FAM83B: variants seen among roughly 807,000 people sequenced by gnomAD.
The protein encoded by FAM83B is scaffolding CK1 anchoring protein B, also known as protein FAM83B.
In FAM83B, 26 loss-of-function variants were observed where a neutral mutation model predicts 38.8. The observed-to-expected ratio is 0.67, with a 90% CI of 0.49 to 0.93. The LOEUF (loss-of-function observed/expected upper bound fraction) is 0.93. Among genes scored for constraint, FAM83B ranks in the 40% least tolerant of loss-of-function variants. The probability of loss-of-function intolerance (pLI) is 0.00; values close to 1 mark genes in which losing one functional copy is unlikely to be tolerated. For synonymous variants in FAM83B, 419 were observed against 423.1 expected, an observed-to-expected ratio of 0.99 and a Z score of 0.12; for missense variants, 1,237 against 1,197.3, an observed-to-expected ratio of 1.03 and a Z score of -0.49.
At chr6:54,885,690 C>T (rs9370337) in intron 2 of FAM83B, among the ~76,000 whole-genome samples, 67,221 of 151,716 alleles carry the variant, frequency 0.44, 15,712 homozygotes, top group East Asian at 0.82. Flanking sequence ...TATACAAAAC[C>T]ATCATTCTCA....
chr6:54,847,412 T>C (rs762420494), intron 1 of FAM83B, among the ~76,000 whole-genome samples: 18 of 138,340 alleles, frequency 1.3e-4, no homozygotes, highest in Non-Finnish European at 6.3e-5. Flanking sequence ...CGTTTCTGAG[T>C]GCAGACTGGT....
In FAM83B at chr6:54,876,241, G is replaced by A. The variant is rs185018163; in HGVS notation, c.444+5551G>A. Among the ~76,000 whole-genome samples the A allele has an allele frequency of 3.7e-3, 526 of 140,558 alleles. 5 individuals are homozygous for A. The highest frequency in any genetic ancestry group is 5.1e-3 in the Admixed American group (72 of 14,132). The allele number at this position is 140,558 out of a possible 152,430, so 92.2% of individuals were successfully genotyped here. ...TAACCAATACCTCTATTAATAGTTGGAAAGAAATAATTTAAAATGCAAGTT... is the reference window on the plus strand; with the variant it reads ...TAACCAATACCTCTATTAATAGTTGAAAAGAAATAATTTAAAATGCAAGTT... On this transcript the variant is annotated intron_variant, in intron 2 of 4. Transcript: ENST00000306858.
At position 54,910,452 on chromosome 6, in the gene FAM83B, C is replaced by T. The variant is rs551753491; in HGVS notation, c.445-15919C>T. 1.7e-3 allele frequency among the ~76,000 whole-genome samples: 259 copies of T among 152,270 alleles called. 1 individual carries two copies. The Middle Eastern group carries it at 0.02, about 12-fold the overall frequency. ...CATGCTTCTCTGCCCTTTCGTTTTCCGAGGCTAATGCCATGGACTGCATTG... is the reference window on the plus strand; with the variant it reads ...CATGCTTCTCTGCCCTTTCGTTTTCTGAGGCTAATGCCATGGACTGCATTG... On this transcript the variant is annotated intron_variant, in intron 2 of 4. Coordinates refer to ENST00000306858, the MANE Select transcript of FAM83B (RefSeq NM_001010872.3).
chr6:54,876,278 CATATATATATATATATATATATATAT>C (rs3996949), intron 2 of FAM83B, among the ~76,000 whole-genome samples: 88 of 96,160 alleles, frequency 9.2e-4, no homozygotes, highest in African/African-American at 2.9e-3. Flanking sequence ...TTTAGGAGTG[CATATATATATATATATATATATATAT>C]ATATATATAT....
chr6:54,927,937 C>T (rs1001131063), intron 4 of FAM83B, among the ~76,000 whole-genome samples: 3 of 152,028 alleles, frequency 2.0e-5, no homozygotes, highest in African/African-American at 7.2e-5. Flanking sequence ...TGGTTTTGCT[C>T]CTTATGGAAA....
intron 2 of FAM83B, among the ~76,000 whole-genome samples, chr6:54,925,222 C>T (rs999169868): frequency 6.6e-6 from 1 of 152,182 alleles, no homozygotes; most frequent in Non-Finnish European, 1.5e-5. Context: ...CCCCAAACTC[C>T]TCCTGAATTT....
intron 2 of FAM83B, among the ~76,000 whole-genome samples, chr6:54,888,828 A>C (rs7453866): frequency 0.44 from 67,230 of 151,644 alleles, 15,731 homozygotes; most frequent in East Asian, 0.83. Flanking sequence ...ATCTCCTCAA[A>C]TATTGCTTCT....
intron 1 of FAM83B, among the ~76,000 whole-genome samples, chr6:54,868,747 A>C (rs1771776824): frequency 6.6e-6 from 1 of 152,144 alleles, no homozygotes; most frequent in Non-Finnish European, 1.5e-5. Context: ...GCTTGGATCA[A>C]ATTATGACTC....
At chr6:54,851,290 C>T (rs1448606642) in intron 1 of FAM83B, among the ~76,000 whole-genome samples, 1 of 151,644 alleles carries the variant, frequency 6.6e-6, no homozygotes, top group African/African-American at 2.4e-5. Flanking sequence ...TCTCTTCCCT[C>T]CCATTATGTT....
intron 2 of FAM83B, among the ~76,000 whole-genome samples, chr6:54,896,105 T>C (rs1772526266): frequency 6.6e-6 from 1 of 152,148 alleles, no homozygotes; most frequent in Non-Finnish European, 1.5e-5. Context: ...TTGGCCTGGC[T>C]GGTCTCAAAC....
At chr6:54,908,956 G>A (rs78128115) in intron 2 of FAM83B, among the ~76,000 whole-genome samples, 3,728 of 152,196 alleles carry the variant, frequency 0.024, 155 homozygotes, top group African/African-American at 0.083. Flanking sequence ...ATCACTTACT[G>A]TGTGATCTTA....
rs750088415 is a variant in FAM83B, at chr6:54,940,410, G to T, written c.1439G>T (p.Arg480Leu). Residue 480 changes from arginine (R) to leucine (L), a missense_variant, in exon 5 of 5, where the codon CGA becomes CTA. By Grantham distance (102) the Arg-to-Leu change is moderately radical. Transcript: ENST00000306858. ...TDNHIRFLQQRMPTLEHTTKS... is the reference protein window; with the variant it reads ...TDNHIRFLQQLMPTLEHTTKS... ...AACCATATCCGCTTTTTGCAACAAC[G>T]AATGCCAACCCTTGAACATACCACA... is the stretch of plus-strand genomic sequence containing the variant. The T allele has an allele frequency of 6.7e-5, 108 of 1,613,840 alleles. No homozygotes were observed. The highest frequency in any genetic ancestry group is 7.9e-5 in the Non-Finnish European group (93 of 1,179,992).
intron 2 of FAM83B, among the ~76,000 whole-genome samples, chr6:54,872,075 A>T (rs938250528): frequency 2.6e-5 from 4 of 152,152 alleles, no homozygotes; most frequent in African/African-American, 9.7e-5. Context: ...TGTAAAAATG[A>T]GGTAATTTTT....
At chr6:54,908,104 A>T (rs1259360348) in intron 2 of FAM83B, among the ~76,000 whole-genome samples, 1 of 149,312 alleles carries the variant, frequency 6.7e-6, no homozygotes, top group Non-Finnish European at 1.5e-5. Flanking sequence ...GACCAAATGG[A>T]GATTTCTGCC....
In FAM83B at chr6:54,870,710, G is replaced by T; in HGVS notation, c.444+20G>T. 2 of 1,555,386 alleles carry T rather than the reference G, an allele frequency of 1.3e-6. No homozygotes were observed. The highest frequency in any genetic ancestry group is 1.7e-6 in the Non-Finnish European group (2 of 1,156,188). On this transcript the variant is annotated intron_variant, in intron 2 of 4. Transcript: ENST00000306858. ...AGAAAGGTAATAACATTTCTATTTT[G>T]AAATGAAAAATTTGAAACATGTAGA... is the stretch of plus-strand genomic sequence containing the variant.
At chr6:54,889,330 T>C (rs911322516) in intron 2 of FAM83B, among the ~76,000 whole-genome samples, 1 of 152,122 alleles carries the variant, frequency 6.6e-6, no homozygotes, top group South Asian at 2.1e-4. Flanking sequence ...ATGTCTTACT[T>C]TCCCAACATT....
Position 54,940,997 on chromosome 6 carries a change from G to T in FAM83B, c.2026G>T (p.Asp676Tyr). ...ATTTGACAACTCAAAAGCCAACTTA[G>T]ATCCTGGAAATAGTAAGCATTATGT... ...PLFDNSKANL[D>Y]PGNSKHYVYS... is the part of the protein sequence containing the mutation. The change falls in exon 5 of 5, where the codon GAT (aspartate) becomes TAT (tyrosine). Residue 676 changes from aspartate to tyrosine, a missense_variant. Physicochemically the swap from Asp to Tyr is radical, Grantham distance 160. Transcript: ENST00000306858. 3 of 1,613,968 alleles carry T rather than the reference G, an allele frequency of 1.9e-6. No homozygotes were observed. Among genetic ancestry groups the T allele is most frequent in the Non-Finnish European group, 2.5e-6 (3 of 1,179,978 alleles).
chr6:54,928,406 A>G (rs1297675073), intron 4 of FAM83B, among the ~76,000 whole-genome samples: 1 of 152,196 alleles, frequency 6.6e-6, no homozygotes, highest in Non-Finnish European at 1.5e-5. Context: ...ATTTGGTTGC[A>G]CTTTAGTTTG....
At position 54,916,894 on chromosome 6, in the gene FAM83B, G is replaced by A. The variant is rs964923695; in HGVS notation, c.445-9477G>A. On this transcript the variant is annotated intron_variant, in intron 2 of 4. Coordinates refer to ENST00000306858, the MANE Select transcript of FAM83B (RefSeq NM_001010872.3). ...TTTCATCTGGCTATTATTACATCTT[G>A]CAGACCTTGCTCTCTGCTAAGGGAC... Among the ~76,000 whole-genome samples, 5 of 152,020 alleles carry A rather than the reference G, an allele frequency of 3.3e-5. No homozygotes were observed. The East Asian group carries it at 7.7e-4, about 23-fold the overall frequency.
Sources: allele counts gnomAD v4.1 joint callset (sites outside exome capture counted in the v4.1 genomes callset), GRCh38; gene constraint gnomAD v4.1.1; transcripts MANE v1.5; gene names NCBI Gene and HGNC (gene_info 2026-07-23, HGNC 2026-07-21).